The following PRKDC variants were observed in gnomAD, a reference collection of about 807,000 sequenced individuals.
The protein encoded by PRKDC is protein kinase, DNA-activated, catalytic subunit, also known as DNA-dependent protein kinase catalytic subunit.
PRKDC carries 82 observed loss-of-function variants against 486.9 expected under a neutral mutation model. That is an observed-to-expected ratio of 0.17 (90% CI 0.14 to 0.20). The LOEUF is 0.20. Ranked by LOEUF, PRKDC falls within the 10% of genes least tolerant of loss-of-function variation. The pLI, the probability that PRKDC is intolerant of heterozygous loss-of-function variation, is 1.00. For synonymous variants in PRKDC, 1,895 were observed against 1,837.0 expected, an observed-to-expected ratio of 1.03 and a Z score of -0.81; for missense variants, 4,504 against 5,038.2, an observed-to-expected ratio of 0.89 and a Z score of 3.21.
chr8:47,859,054 G>A, intron 46 of PRKDC, 68 bp from the exon 47 acceptor site: 1 of 1,560,584 alleles, frequency 6.4e-7, no homozygotes, highest in Non-Finnish European at 8.7e-7. Context: ...CAGTGGATGT[G>A]GGAGGCTCTT....
intron 40 of PRKDC, among the ~76,000 whole-genome samples, chr8:47,871,016 C>G (rs2088939267): frequency 6.6e-6 from 1 of 151,980 alleles, no homozygotes; most frequent in South Asian, 2.1e-4. Flanking sequence ...TGTAGGCAGG[C>G]TATTTGAAAA....
In PRKDC at chr8:47,849,202, A is replaced by G. The variant is rs1472435673; in HGVS notation, c.7232T>C (p.Leu2411Pro). 1 of 1,614,028 alleles carries G rather than the reference A, an allele frequency of 6.2e-7. No individual in the cohort carries two copies. Among genetic ancestry groups the G allele is most frequent in the Non-Finnish European group, 8.5e-7 (1 of 1,179,906 alleles). The change falls in exon 54 of 86, where the codon CTG becomes CCG. Residue 2411 changes from leucine to proline, a missense_variant. Leu to Pro is a moderately conservative substitution (Grantham distance 98). Coordinates refer to ENST00000314191, the MANE Select transcript of PRKDC (RefSeq NM_006904.7). The part of the protein sequence containing the change: ...VLCRVEGMTE[L>P]YFQLKSKDFV... ...GTCCTTGCTCTTTAACTGGAAGTAC[A>G]GCTCTGTCATTCCCTCCACACGACA...
chr8:47,914,584 G>A (rs1043007489), intron 23 of PRKDC, among the ~76,000 whole-genome samples: 2 of 152,118 alleles, frequency 1.3e-5, no homozygotes, highest in Admixed American at 1.3e-4. Context: ...TGGATCACCT[G>A]AGGTCAGGAG....
chr8:47,883,276 A>G (rs2089260833), intron 36 of PRKDC, among the ~76,000 whole-genome samples: 1 of 152,234 alleles, frequency 6.6e-6, no homozygotes, highest in Non-Finnish European at 1.5e-5. Flanking sequence ...CTGAGAAGAC[A>G]TATGTCATTC....
intron 35 of PRKDC, among the ~76,000 whole-genome samples, chr8:47,887,154 T>C (rs898907232): frequency 9.8e-5 from 15 of 152,286 alleles, no homozygotes; most frequent in African/African-American, 2.9e-4. Flanking sequence ...CAAAGAGCCA[T>C]GAGAATATTT....
intron 69 of PRKDC, among the ~76,000 whole-genome samples, chr8:47,804,368 C>T (rs183731516): frequency 8.7e-5 from 13 of 148,710 alleles, no homozygotes; most frequent in Admixed American, 4.1e-4. Flanking sequence ...GGCACAATCT[C>T]GGCTCACTGC....
chr8:47,932,285 G>A (rs758853525), intron 16 of PRKDC, among the ~76,000 whole-genome samples: 5 of 152,074 alleles, frequency 3.3e-5, no homozygotes, highest in East Asian at 1.9e-4. Flanking sequence ...AGGTTTCACC[G>A]TGTTAGCCAG....
intron 69 of PRKDC, chr8:47,805,253 A>C (rs2087195704): frequency 1.3e-5 from 2 of 152,206 alleles, no homozygotes; most frequent in African/African-American, 4.8e-5. Context: ...TCCCACCAGC[A>C]GTGCAGAAGG....
At chr8:47,919,486 T>C (rs1183550423) in intron 21 of PRKDC, among the ~76,000 whole-genome samples, 2 of 152,226 alleles carry the variant, frequency 1.3e-5, no homozygotes, top group African/African-American at 2.4e-5. Context: ...TATAAAGTCA[T>C]TTCCAAAAGT....
At chr8:47,935,625 T>C (rs533441425) in intron 13 of PRKDC, 107 bp downstream of exon 13, 138 of 1,275,748 alleles carry the variant, frequency 1.1e-4, no homozygotes, top group Admixed American at 1.9e-4. Context: ...GTTCAAAAGT[T>C]GTGTCAAAGA....
At chr8:47,824,468 C>CAAAAA (rs11369602) in intron 63 of PRKDC, among the ~76,000 whole-genome samples, 4 of 37,692 alleles carry the variant, frequency 1.1e-4, no homozygotes, top group South Asian at 1.6e-3. Context: ...GACTCCGCCT[C>CAAAAA]AAAAAAAAAA....
Position 47,929,595 on chromosome 8 carries a change from C to T in PRKDC, c.2052+258G>A, listed in dbSNP as rs8178042. On this transcript the variant is annotated intron_variant, in intron 18 of 85. Coordinates refer to ENST00000314191, the MANE Select transcript of PRKDC (RefSeq NM_006904.7). ...TGCAGAAAGCAATGCTCAAGGCTGC[C>T]GGTCCTGGGACCATACTTTGAGAGG... 0.038 allele frequency among the ~76,000 whole-genome samples: 5,715 copies of T among 152,248 alleles called. 335 individuals carry two copies. The highest frequency in any genetic ancestry group is 0.12 in the African/African-American group (5,042 of 41,518).
chr8:47,938,298 G>T (rs2090387746), intron 11 of PRKDC, among the ~76,000 whole-genome samples: 1 of 151,738 alleles, frequency 6.6e-6, no homozygotes, highest in African/African-American at 2.4e-5. Flanking sequence ...TGTAATCCCA[G>T]CACTTGGGAG....
intron 45 of PRKDC, among the ~76,000 whole-genome samples, chr8:47,860,137 T>C (rs1370839007): frequency 6.6e-6 from 1 of 152,176 alleles, no homozygotes; most frequent in African/African-American, 2.4e-5. Flanking sequence ...CTAAGAGATT[T>C]AGAAAACTGG....
intron 74 of PRKDC, among the ~76,000 whole-genome samples, chr8:47,790,965 CA>C (rs1307882576): frequency 1.3e-5 from 2 of 152,012 alleles, no homozygotes; most frequent in Non-Finnish European, 2.9e-5. Context: ...ACTACAAAAA[CA>C]AAAACAAAAA....
intron 15 of PRKDC, 110 bp from the exon 16 acceptor site, chr8:47,933,282 GA>G (rs2090289207): frequency 3.3e-6 from 3 of 899,006 alleles, no homozygotes; most frequent in Middle Eastern, 3.6e-4. Flanking sequence ...GGGTATTATG[GA>G]AACAGTGATG....
intron 30 of PRKDC, among the ~76,000 whole-genome samples, chr8:47,896,762 G>A (rs564770980): frequency 1.3e-5 from 2 of 152,254 alleles, no homozygotes; most frequent in Admixed American, 6.5e-5. Context: ...AATGGGGGAA[G>A]GCAGGGCTTG....
In PRKDC at chr8:47,954,418, A is replaced by G; in HGVS notation, c.428T>C (p.Leu143Pro). ...KLLQTFRSSR[L>P]MDEFKIGELF... ...TTCTCCAATTTTAAATTCATCCATG[A>G]GTCTAGAACTTCTAAAAGTCTGAAG... Residue 143 changes from leucine (L) to proline (P), a missense_variant, in exon 5 of 86, where the codon CTC becomes CCC. Leu to Pro is a moderately conservative substitution (Grantham distance 98). Coordinates refer to ENST00000314191, the MANE Select transcript of PRKDC (RefSeq NM_006904.7). The G allele has an allele frequency of 1.5e-6, 2 of 1,366,854 alleles. No homozygotes were observed. Among genetic ancestry groups the G allele is most frequent in the African/African-American group, 1.5e-5 (1 of 68,450 alleles). The allele number at this position is 1,366,854 out of a possible 1,614,324, so 84.7% of individuals were successfully genotyped here.
chr8:47,810,824 T>A (rs2087309446), intron 68 of PRKDC, among the ~76,000 whole-genome samples: 1 of 151,892 alleles, frequency 6.6e-6, no homozygotes. Flanking sequence ...GAAGAACAAG[T>A]AAGACAAAAG....
Sources: allele counts gnomAD v4.1 joint callset (sites outside exome capture counted in the v4.1 genomes callset), GRCh38; gene constraint gnomAD v4.1.1; transcripts MANE v1.5; gene names NCBI Gene and HGNC (gene_info 2026-07-23, HGNC 2026-07-21).